The following TEX36 variants were observed in gnomAD, a reference collection of about 807,000 sequenced individuals.
TEX36 encodes testis expressed 36, also known as testis-expressed protein 36.
A neutral mutation model predicts 13.6 loss-of-function variants in TEX36; 12 were observed. The observed-to-expected ratio is 0.88, with a 90% confidence interval of 0.56 to 1.43. The LOEUF is 1.43. Among genes scored for constraint, TEX36 ranks in the 40% most tolerant of loss-of-function variants. The pLI is 0.00. For synonymous variants in TEX36, 93 were observed against 83.0 expected (o/e 1.12, Z -0.65); for missense variants, 224 against 228.3 (o/e 0.98, Z 0.12).
intron 3 of TEX36, among the ~76,000 whole-genome samples, chr10:125,592,685 TGA>T (rs1238229946): frequency 6.6e-6 from 1 of 152,114 alleles, no homozygotes; most frequent in Non-Finnish European, 1.5e-5. Flanking sequence ...CACTCCCATA[TGA>T]GAGACCAGTC....
chr10:125,678,492 A>G (rs550325662), intron 1 of TEX36, among the ~76,000 whole-genome samples: 1 of 152,136 alleles, frequency 6.6e-6, no homozygotes, highest in East Asian at 1.9e-4. Flanking sequence ...TGGTGGGCCA[A>G]TTCTTGGGCC....
chr10:125,625,926 G>C (rs376651497), intron 3 of TEX36, among the ~76,000 whole-genome samples: 1 of 152,230 alleles, frequency 6.6e-6, no homozygotes, highest in Non-Finnish European at 1.5e-5. Flanking sequence ...AGTTGGTATA[G>C]TGGACACCGA....
At chr10:125,645,849 A>G (rs1428697562) in intron 3 of TEX36, among the ~76,000 whole-genome samples, 1 of 152,202 alleles carries the variant, frequency 6.6e-6, no homozygotes, top group Non-Finnish European at 1.5e-5. Context: ...TGTCAAATAC[A>G]TGTGAAACAG....
chr10:125,579,433 C>T (rs1235696097), intron 3 of TEX36, among the ~76,000 whole-genome samples: 2 of 152,184 alleles, frequency 1.3e-5, no homozygotes, highest in African/African-American at 4.8e-5. Flanking sequence ...ATGGTCTAAT[C>T]ACCTCCCATG....
At chr10:125,674,468 G>A (rs1316746159) in intron 1 of TEX36, among the ~76,000 whole-genome samples, 3 of 152,194 alleles carry the variant, frequency 2.0e-5, no homozygotes, top group Non-Finnish European at 4.4e-5. Flanking sequence ...CCTTGCTGGA[G>A]AGGTGTTGCC....
At chr10:125,682,474 A>G (rs1475478165) in intron 1 of TEX36, among the ~76,000 whole-genome samples, 1 of 152,240 alleles carries the variant, frequency 6.6e-6, no homozygotes, top group African/African-American at 2.4e-5. Context: ...GGTTTCTAGT[A>G]TAATATAATT....
intron 3 of TEX36, among the ~76,000 whole-genome samples, chr10:125,591,247 A>G (rs1259283692): frequency 6.6e-6 from 1 of 152,238 alleles, no homozygotes; most frequent in African/African-American, 2.4e-5. Flanking sequence ...GCATTCAATG[A>G]GCGTTTGATG....
intron 3 of TEX36, among the ~76,000 whole-genome samples, chr10:125,591,002 G>A (rs17153228): frequency 0.052 from 7,913 of 152,198 alleles, 241 homozygotes; most frequent in East Asian, 0.14. Context: ...AAGGTGAATC[G>A]TCTCACAACG....
At chr10:125,583,471 T>G (rs2133524107) in intron 3 of TEX36, among the ~76,000 whole-genome samples, 1 of 152,352 alleles carries the variant, frequency 6.6e-6, no homozygotes, top group Non-Finnish European at 1.5e-5. Flanking sequence ...AGGTTCTTTT[T>G]GTTTTGAATG....
intron 3 of TEX36, among the ~76,000 whole-genome samples, chr10:125,593,563 A>C (rs1238353510): frequency 6.6e-6 from 1 of 152,222 alleles, no homozygotes; most frequent in Non-Finnish European, 1.5e-5. Flanking sequence ...GGATGGTGCA[A>C]AGCATCACAC....
At chr10:125,608,871 A>G (rs1342479393) in intron 3 of TEX36, among the ~76,000 whole-genome samples, 1 of 151,748 alleles carries the variant, frequency 6.6e-6, no homozygotes, top group Non-Finnish European at 1.5e-5. Context: ...GCGGTGGCTA[A>G]CACCTGTAAT....
intron 3 of TEX36, among the ~76,000 whole-genome samples, chr10:125,580,422 C>T (rs1007392598): frequency 1.3e-5 from 2 of 152,280 alleles, no homozygotes. Flanking sequence ...GAGAGTTTTC[C>T]CAGAATACCA....
At chr10:125,625,596 A>G (rs1846477162) in intron 3 of TEX36, among the ~76,000 whole-genome samples, 1 of 152,270 alleles carries the variant, frequency 6.6e-6, no homozygotes, top group Non-Finnish European at 1.5e-5. Flanking sequence ...AACATGACAC[A>G]GTTGTTATAA....
At chr10:125,588,705 C>A (rs941817254) in intron 3 of TEX36, among the ~76,000 whole-genome samples, 1 of 152,238 alleles carries the variant, frequency 6.6e-6, no homozygotes, top group Non-Finnish European at 1.5e-5. Flanking sequence ...AACTCCGCCT[C>A]CCGGGTTCAA....
At chr10:125,646,881 C>G (rs1183516838) in intron 3 of TEX36, among the ~76,000 whole-genome samples, 2 of 152,120 alleles carry the variant, frequency 1.3e-5, no homozygotes, top group Non-Finnish European at 2.9e-5. Context: ...GGTCCAGGAG[C>G]TTTCCTGGCA....
Position 125,592,175 on chromosome 10 carries a change from C to T in TEX36, c.265-15301G>A, listed in dbSNP as rs551070908. Among the ~76,000 whole-genome samples, 12 of 152,204 alleles carry T rather than the reference C, an allele frequency of 7.9e-5. No homozygotes were observed. The South Asian group carries it at 8.3e-4, about 11-fold the overall frequency. ...GAAATGCCCAACTTTTTTGGAAGAG[C>T]GTATCTTGTGCATCCTAAACCCTCC... On this transcript the variant is annotated intron_variant, in intron 3 of 3. Coordinates refer to the TEX36 transcript ENST00000532135.
intron 3 of TEX36, among the ~76,000 whole-genome samples, chr10:125,602,976 C>T (rs576419486): frequency 5.3e-5 from 8 of 152,172 alleles, no homozygotes; most frequent in Admixed American, 6.5e-5. Flanking sequence ...CTGTCCTCTC[C>T]GGGGCTTGGG....
At chr10:125,656,548 G>A (rs1157119215) in intron 3 of TEX36, among the ~76,000 whole-genome samples, 7 of 151,982 alleles carry the variant, frequency 4.6e-5, no homozygotes, top group South Asian at 2.1e-4. Context: ...ATGAGCCACC[G>A]TGCCCAGCCT....
intron 3 of TEX36, among the ~76,000 whole-genome samples, chr10:125,638,176 C>T (rs1437154745): frequency 6.9e-6 from 1 of 145,146 alleles, no homozygotes. Flanking sequence ...CAGCCCCCAT[C>T]CCCCACTGCC....
Sources: gnomAD v4.1 joint callset for allele counts (sites outside exome capture counted in the v4.1 genomes callset) on GRCh38, gnomAD v4.1.1 for gene constraint, MANE v1.5 for transcripts, NCBI Gene and HGNC (gene_info 2026-07-23, HGNC 2026-07-21) for gene names.